NUFIP1: variants seen among roughly 807,000 people sequenced by gnomAD.
The protein encoded by NUFIP1 is FMR1-interacting protein NUFIP1.
NUFIP1 carries 38 observed loss-of-function variants against 56.2 expected under a neutral mutation model. That is an observed-to-expected ratio of 0.68 (90% CI 0.52 to 0.89). The LOEUF is 0.89. Ranked by LOEUF, NUFIP1 falls within the 40% of genes least tolerant of loss-of-function variation. NUFIP1 has a pLI of 0.00. For missense variants in NUFIP1, 567 were observed against 605.8 expected (o/e 0.94, Z 0.67); for synonymous variants, 215 against 212.4 (o/e 1.01, Z -0.10).
intron 6 of NUFIP1, among the ~76,000 whole-genome samples, chr13:44,961,714 T>C (rs1871430177): frequency 6.6e-6 from 1 of 152,228 alleles, no homozygotes; most frequent in Non-Finnish European, 1.5e-5. Context: ...AGTTTCTGCC[T>C]CCAGCCCACT....
At chr13:44,980,916 G>T in intron 2 of NUFIP1, 96 bp from the exon 3 acceptor site, 1 of 696,322 alleles carries the variant, frequency 1.4e-6, no homozygotes, top group Non-Finnish European at 2.4e-6. Context: ...ACACTTTGAT[G>T]TTTCCAATAA....
intron 7 of NUFIP1, among the ~76,000 whole-genome samples, chr13:44,950,042 C>T (rs1871038706): frequency 6.6e-6 from 1 of 152,070 alleles, no homozygotes; most frequent in South Asian, 2.1e-4. Context: ...CCAGAGGAGA[C>T]AGTGAGGGAA....
At chr13:44,981,846 A>G (rs574526244) in intron 2 of NUFIP1, among the ~76,000 whole-genome samples, 1 of 152,312 alleles carries the variant, frequency 6.6e-6, no homozygotes, top group Non-Finnish European at 1.5e-5. Flanking sequence ...TATCAAATAT[A>G]TATCTATTTC....
At chr13:44,945,484 A>T (rs541509727) in intron 8 of NUFIP1, among the ~76,000 whole-genome samples, 1 of 152,056 alleles carries the variant, frequency 6.6e-6, no homozygotes, top group Non-Finnish European at 1.5e-5. Context: ...AAGAGGAGGA[A>T]ATAGATCCCT....
chr13:44,986,609 G>A (rs113639579), intron 1 of NUFIP1, among the ~76,000 whole-genome samples: 2,645 of 150,960 alleles, frequency 0.018, 79 homozygotes, highest in East Asian at 0.084. Context: ...GGAGAACGGC[G>A]TGAACCTGGG....
intron 2 of NUFIP1, 72 bp from the exon 3 acceptor site, chr13:44,980,892 C>A: frequency 1.1e-6 from 1 of 925,268 alleles, no homozygotes; most frequent in East Asian, 2.5e-5. Context: ...ACATAACTAT[C>A]ATTCTAGTAA....
intron 8 of NUFIP1, among the ~76,000 whole-genome samples, chr13:44,949,496 C>T (rs1019368816): frequency 4.6e-5 from 7 of 152,118 alleles, no homozygotes; most frequent in Admixed American, 1.3e-4. Flanking sequence ...CCACCGCGCC[C>T]GGCCTATATT....
chr13:44,960,313 G>C (rs1349197568), intron 6 of NUFIP1, among the ~76,000 whole-genome samples: 1 of 152,018 alleles, frequency 6.6e-6, no homozygotes, highest in East Asian at 1.9e-4. Context: ...CTGTCGCCCA[G>C]GCTGGAGTGC....
Position 44,943,497 on chromosome 13 carries a change from T to C in NUFIP1, c.1316A>G (p.His439Arg). The change falls in exon 9 of 10, where the codon CAC becomes CGC. Residue 439 changes from histidine (H) to arginine (R), a missense_variant. Coordinates refer to ENST00000379161, the MANE Select transcript of NUFIP1 (RefSeq NM_012345.3). ...TGGTTCGAATAACGTTTGATAGTTG[T>C]GATAATCTTTTTTCCTCTTAGGGTT... ...KTNPKRKKDY[H>R]NYQTLFEPRT... The C allele has an allele frequency of 6.2e-7, 1 of 1,614,140 alleles. No homozygotes were observed.
At chr13:44,944,945 T>G (rs1054333577) in intron 8 of NUFIP1, among the ~76,000 whole-genome samples, 1 of 152,034 alleles carries the variant, frequency 6.6e-6, no homozygotes, top group African/African-American at 2.4e-5. Context: ...ATGCTTAAAT[T>G]AGAAATGAGA....
chr13:44,953,303 G>A (rs1160248885), intron 7 of NUFIP1, among the ~76,000 whole-genome samples: 2 of 151,980 alleles, frequency 1.3e-5, no homozygotes, highest in Non-Finnish European at 2.9e-5. Context: ...GAGATATTTT[G>A]AGGCTATAAC....
At chr13:44,973,881 A>T (rs1871884965) in intron 5 of NUFIP1, among the ~76,000 whole-genome samples, 1 of 152,220 alleles carries the variant, frequency 6.6e-6, no homozygotes, top group East Asian at 1.9e-4. Context: ...GAGATATGAT[A>T]AATAACAAGT....
chr13:44,952,813 A>G (rs1871123921), intron 7 of NUFIP1, among the ~76,000 whole-genome samples: 1 of 152,254 alleles, frequency 6.6e-6, no homozygotes, highest in African/African-American at 2.4e-5. Flanking sequence ...ACAATCTGCT[A>G]TACTACATTG....
chr13:44,961,113 T>C (rs1309165074), intron 6 of NUFIP1, among the ~76,000 whole-genome samples: 1 of 148,808 alleles, frequency 6.7e-6, no homozygotes, highest in Non-Finnish European at 1.5e-5. Flanking sequence ...ATTTAAACTG[T>C]GTGTGTGTGT....
chr13:44,954,642 T>C (rs115269222), intron 7 of NUFIP1, among the ~76,000 whole-genome samples: 2,358 of 152,248 alleles, frequency 0.015, 79 homozygotes, highest in African/African-American at 0.053. Context: ...CATCCCACGA[T>C]TTCCTATTGC....
intron 1 of NUFIP1, among the ~76,000 whole-genome samples, chr13:44,985,420 T>TA (rs1872348339): frequency 6.6e-6 from 1 of 152,184 alleles, no homozygotes; most frequent in Admixed American, 6.5e-5. Flanking sequence ...CTTTAAGGTA[T>TA]AAAAGCACAT....
At position 44,939,941 on chromosome 13, in the gene NUFIP1, A is replaced by G. The variant is rs577285040; in HGVS notation, c.*1265T>C. On this transcript the variant is annotated 3_prime_UTR_variant, in exon 10 of 10. Coordinates refer to ENST00000379161, the MANE Select transcript of NUFIP1 (RefSeq NM_012345.3). Reference sequence around the variant, plus strand: ...AGTACAAACTGTGTTATATTTTAGAATATCAACTCAGTTGTAACACTAGTT... The same window carrying G: ...AGTACAAACTGTGTTATATTTTAGAGTATCAACTCAGTTGTAACACTAGTT... 20 of 152,296 alleles carry G rather than the reference A, an allele frequency of 1.3e-4. No individual in the cohort carries two copies. Among genetic ancestry groups the G allele is most frequent in the African/African-American group, 4.6e-4 (19 of 41,564 alleles). 9.4% of individuals were successfully genotyped at this position (152,296 alleles called of 1,614,324 possible).
Position 44,989,278 on chromosome 13 carries a change from C to T in NUFIP1, c.159G>A (p.Ser53=). 1 of 1,613,424 alleles carries T rather than the reference C, an allele frequency of 6.2e-7. No homozygotes were observed. Among genetic ancestry groups the T allele is most frequent in the Non-Finnish European group, 8.5e-7 (1 of 1,179,832 alleles). ...LPPPPPPLTS[S]LPAAGSKPSS... ...AAGGCTTTGACCCGGCTGCGGGAAGCGAGGACGTAAGTGGTGGTGGCGGTG... is the reference window on the plus strand; with the variant it reads ...AAGGCTTTGACCCGGCTGCGGGAAGTGAGGACGTAAGTGGTGGTGGCGGTG... The change falls in exon 1 of 10, where the codon TCG becomes TCA. Residue 53 remains serine, a synonymous_variant. Coordinates refer to ENST00000379161, the MANE Select transcript of NUFIP1 (RefSeq NM_012345.3).
chr13:44,941,010 C>T lies in NUFIP1; in HGVS notation c.*196G>A, dbSNP rs1870714177. ...AGATTCAATCCCAACAATACAGACA[C>T]AGTCTTAAAAAATCAGTTATTTTTT... On this transcript the variant is annotated 3_prime_UTR_variant, in exon 10 of 10. Coordinates refer to ENST00000379161, the MANE Select transcript of NUFIP1 (RefSeq NM_012345.3). The T allele has an allele frequency of 4.4e-6, 2 of 450,632 alleles. No homozygotes were observed. Among genetic ancestry groups the T allele is most frequent in the Middle Eastern group, 5.8e-4 (1 of 1,712 alleles). The allele number at this position is 450,632 out of a possible 1,614,324, so 27.9% of individuals were successfully genotyped here. A position where few individuals can be genotyped will look rare whatever the true frequency, so the allele number is the denominator to read the frequency against.
Sources: allele counts gnomAD v4.1 joint callset (sites outside exome capture counted in the v4.1 genomes callset), GRCh38; gene constraint gnomAD v4.1.1; transcripts MANE v1.5; gene names NCBI Gene and HGNC (gene_info 2026-07-23, HGNC 2026-07-21).